Variants in EFEMP1 observed in about 807,000 individuals in gnomAD.
EFEMP1 encodes the protein EGF-containing fibulin-like extracellular matrix protein 1.
A neutral mutation model predicts 65.7 loss-of-function variants in EFEMP1; 18 were observed. The ratio of observed to expected loss-of-function variants is 0.27; its 90% CI spans 0.19 to 0.41. The LOEUF is 0.41. Ranked by LOEUF, EFEMP1 falls within the 10% of genes least tolerant of loss-of-function variation. The pLI is 1.00. For synonymous variants in EFEMP1, 237 were observed against 219.7 expected (o/e 1.08, Z -0.70); for missense variants, 469 against 624.8 (o/e 0.75, Z 2.66).
rs1462181845 is a variant in EFEMP1, at chr2:55,886,206, A to G, written c.518-4472T>C. Among the ~76,000 whole-genome samples, 2 of 152,126 alleles carry G rather than the reference A, an allele frequency of 1.3e-5. No homozygotes were observed. ...TGTGTGATCTAGGGTCATGGTATCA[A>G]TTTTTTCTCTTTGTTTCTCCATCTC... On this transcript the variant is annotated intron_variant, in intron 5 of 11. Transcript: ENST00000355426. The surrounding 1 kb of genome is among the most constrained non-coding windows in gnomAD (Gnocchi z 4.0).
At chr2:55,896,950 C>T (rs1241922371) in intron 5 of EFEMP1, among the ~76,000 whole-genome samples, 2 of 152,352 alleles carry the variant, frequency 1.3e-5, no homozygotes, top group East Asian at 1.9e-4. Flanking sequence ...TGCAGAACAA[C>T]TTGCTCTTCC....
chr2:55,889,686 C>T (rs978162833), intron 5 of EFEMP1, among the ~76,000 whole-genome samples: 28 of 151,894 alleles, frequency 1.8e-4, no homozygotes, highest in African/African-American at 6.3e-4. Context: ...TATAGTTTGG[C>T]AGGAAGAGGA....
At position 55,877,911 on chromosome 2, in the gene EFEMP1, A is replaced by T; in HGVS notation, c.641-46T>A. The T allele has an allele frequency of 6.2e-7, 1 of 1,608,306 alleles. No homozygotes were observed. The highest frequency in any genetic ancestry group is 8.5e-7 in the Non-Finnish European group (1 of 1,175,726). ...ACAAAGAGAACCAAATTATTGAATT[A>T]GCATTCTCTGAAAAGCATTATCTAG... On this transcript the variant is annotated intron_variant, in intron 6 of 11. Coordinates refer to ENST00000355426, the MANE Select transcript of EFEMP1 (RefSeq NM_001039348.3). This position sits in a 1 kb window ranked among gnomAD's most constrained non-coding sequence, Gnocchi z 4.5.
In EFEMP1 at chr2:55,919,095, C is replaced by A. The variant is rs1004677709; in HGVS notation, c.82-828G>T. On this transcript the variant is annotated intron_variant, in intron 3 of 11. Coordinates refer to ENST00000355426, the MANE Select transcript of EFEMP1 (RefSeq NM_001039348.3). The surrounding 1 kb of genome is among the most constrained non-coding windows in gnomAD (Gnocchi z 4.5). ...GGAGGTGACAGTAAATCAGGCTTTA[C>A]AGGATGAGCAGGATTTTTCCAGGTG... Among the ~76,000 whole-genome samples, 1 of 152,094 alleles carries A rather than the reference C, an allele frequency of 6.6e-6. No individual in the cohort carries two copies. Among genetic ancestry groups the A allele is most frequent in the Non-Finnish European group, 1.5e-5 (1 of 68,024 alleles).
rs1206272552 is a variant in EFEMP1 at position 55,875,068 on chromosome 2, G to A, written c.881-3C>T. ...TGAGGTTCTGCATTCATCAATGTCTGTTGAATTAGACAAGAGAAAGGACAC... is the reference window on the plus strand; with the variant it reads ...TGAGGTTCTGCATTCATCAATGTCTATTGAATTAGACAAGAGAAAGGACAC... On this transcript the variant is annotated splice_polypyrimidine_tract_variant and splice_region_variant and intron_variant, in intron 8 of 11. Transcript: ENST00000355426. 2 of 1,593,298 alleles carry A rather than the reference G, an allele frequency of 1.3e-6. No homozygotes were observed. Among genetic ancestry groups the A allele is most frequent in the African/African-American group, 2.7e-5 (2 of 73,862 alleles).
In EFEMP1 at chr2:55,905,271, ATCT is replaced by A. The variant is rs769669518; in HGVS notation, c.517+12391_517+12393del. Among the ~76,000 whole-genome samples the A allele has an allele frequency of 2.7e-4, 41 of 152,266 alleles. No homozygotes were observed. In the Middle Eastern group the frequency reaches 0.014, roughly 51 times the overall value. ...TTCACATTTTTAAATAATTAGTGTA[ATCT>A]TCTTTATTAAGGTCTTCCTGATTTT... On this transcript the variant is annotated intron_variant, in intron 5 of 11. Transcript: ENST00000355426.
At position 55,875,373 on chromosome 2, in the gene EFEMP1, T is replaced by G. The variant is rs1448245433; in HGVS notation, c.881-308A>C. Reference sequence around the variant, plus strand: ...ACACACACACACACACACATATATATTTTTTTTGTTCTGCTCAACAGTCCA... The same window carrying G: ...ACACACACACACACACACATATATAGTTTTTTTGTTCTGCTCAACAGTCCA... On this transcript the variant is annotated intron_variant, in intron 8 of 11. Coordinates refer to ENST00000355426, the MANE Select transcript of EFEMP1 (RefSeq NM_001039348.3). Among the ~76,000 whole-genome samples the G allele has an allele frequency of 4.1e-5, 4 of 98,552 alleles. No individual in the cohort carries two copies. In the East Asian group the frequency reaches 9.6e-4, roughly 24 times the overall value. 64.7% of individuals were successfully genotyped at this position (98,552 alleles called of 152,430 possible). A position where few individuals can be genotyped will look rare whatever the true frequency, so the allele number is the denominator to read the frequency against.
In EFEMP1 at chr2:55,883,751, T is replaced by C. The variant is rs1417486107; in HGVS notation, c.518-2017A>G. Among the ~76,000 whole-genome samples the C allele has an allele frequency of 3.9e-5, 6 of 152,164 alleles. No individual in the cohort carries two copies. The highest frequency in any genetic ancestry group is 8.8e-5 in the Non-Finnish European group (6 of 68,030). ...TGCTCATTTCTTAGTGTCTGATAAATAGGCTAACATTTCCAGTGGAATTAA... is the reference window on the plus strand; with the variant it reads ...TGCTCATTTCTTAGTGTCTGATAAACAGGCTAACATTTCCAGTGGAATTAA... On this transcript the variant is annotated intron_variant, in intron 5 of 11. Transcript: ENST00000355426. The surrounding 1 kb of genome is among the most constrained non-coding windows in gnomAD (Gnocchi z 4.5).
intron 9 of EFEMP1, 152 bp downstream of exon 9, chr2:55,874,794 T>G (rs1408111216): frequency 1.4e-6 from 1 of 700,622 alleles, no homozygotes; most frequent in Non-Finnish European, 2.2e-6. Context: ...TTATGAGATG[T>G]ATATATTTTA....
chr2:55,882,560 G>A (rs1481261521), intron 5 of EFEMP1, among the ~76,000 whole-genome samples: 2 of 152,102 alleles, frequency 1.3e-5, no homozygotes, highest in Non-Finnish European at 2.9e-5. Flanking sequence ...AAATTTGTGT[G>A]TGTACATTCA....
At chr2:55,874,082 C>G (rs1437082265) in intron 9 of EFEMP1, among the ~76,000 whole-genome samples, 1 of 152,068 alleles carries the variant, frequency 6.6e-6, no homozygotes, top group Non-Finnish European at 1.5e-5. Flanking sequence ...AATGAGGAAG[C>G]TGAGGCTCAG....
In EFEMP1 at chr2:55,867,098, A is replaced by G; in HGVS notation, c.1457T>C (p.Ile486Thr). The G allele has an allele frequency of 6.2e-7, 1 of 1,613,162 alleles. No individual in the cohort carries two copies. The highest frequency in any genetic ancestry group is 8.5e-7 in the Non-Finnish European group (1 of 1,179,886). ...CTAAAATGAAAATGGCCCCACTATTATTGTCAATCTTAACACAGAGCTTGT... is the reference window on the plus strand; with the variant it reads ...CTAAAATGAAAATGGCCCCACTATTGTTGTCAATCTTAACACAGAGCTTGT... ...FRTSSVLRLT[I>T]IVGPFSF is the part of the protein sequence containing the mutation. The change falls in exon 12 of 12, where the codon ATA (isoleucine) becomes ACA (threonine). Residue 486 changes from isoleucine (I) to threonine (T), a missense_variant. Physicochemically the swap from Ile to Thr is moderately conservative, Grantham distance 89. Coordinates refer to ENST00000355426, the MANE Select transcript of EFEMP1 (RefSeq NM_001039348.3). The surrounding 1 kb of genome is among the most constrained non-coding windows in gnomAD (Gnocchi z 4.3).
rs776032285 is a variant in EFEMP1, at chr2:55,918,055, T to C, written c.131-4A>G. On this transcript the variant is annotated splice_polypyrimidine_tract_variant and splice_region_variant and intron_variant, in intron 4 of 11. Coordinates refer to ENST00000355426, the MANE Select transcript of EFEMP1 (RefSeq NM_001039348.3). ...ACAATGTCACATTCATCAATATCTG[T>C]GGTCAGTAATAAAATAAGTCAGGAA... 3.7e-6 allele frequency: 6 copies of C among 1,614,196 alleles called. No homozygotes were observed. The East Asian group carries it at 8.9e-5, about 24-fold the overall frequency.
rs1323261059 is a variant in EFEMP1, at chr2:55,867,730, T to C, written c.1321-496A>G. Among the ~76,000 whole-genome samples, 1 of 152,034 alleles carries C rather than the reference T, an allele frequency of 6.6e-6. No homozygotes were observed. Among genetic ancestry groups the C allele is most frequent in the Non-Finnish European group, 1.5e-5 (1 of 67,996 alleles). ...GTACGTATGAAGATACATAAAGGTGTATGTATAAAGGGAAGAAAAGGAAGA... is the reference window on the plus strand; with the variant it reads ...GTACGTATGAAGATACATAAAGGTGCATGTATAAAGGGAAGAAAAGGAAGA... On this transcript the variant is annotated intron_variant, in intron 11 of 11. Transcript: ENST00000355426. This position sits in a 1 kb window ranked among gnomAD's most constrained non-coding sequence, Gnocchi z 4.3.
At chr2:55,910,495 C>T (rs1236300167) in intron 5 of EFEMP1, among the ~76,000 whole-genome samples, 1 of 152,166 alleles carries the variant, frequency 6.6e-6, no homozygotes, top group East Asian at 1.9e-4. Flanking sequence ...AGCAATTCAA[C>T]ACGTGCAAAG....
At chr2:55,889,424 G>A (rs1480186987) in intron 5 of EFEMP1, among the ~76,000 whole-genome samples, 3 of 152,106 alleles carry the variant, frequency 2.0e-5, no homozygotes, top group African/African-American at 4.8e-5. Context: ...ACTTTCTTGT[G>A]TGTATTTTCC....
In EFEMP1 at chr2:55,917,079, A is replaced by C. The variant is rs867311440; in HGVS notation, c.517+586T>G. The stretch of plus-strand genomic sequence containing the variant: ...TGAGAAGCAGGAGCCCCATTTCTTT[A>C]CTCCTGAATGAGGAAAATAAGTCTG... On this transcript the variant is annotated intron_variant, in intron 5 of 11. Transcript: ENST00000355426. The surrounding 1 kb of genome is among the most constrained non-coding windows in gnomAD (Gnocchi z 6.3). 1.3e-5 allele frequency among the ~76,000 whole-genome samples: 2 copies of C among 152,298 alleles called. No homozygotes were observed. Among genetic ancestry groups the C allele is most frequent in the Middle Eastern group, 3.4e-3 (1 of 292 alleles).
intron 8 of EFEMP1, among the ~76,000 whole-genome samples, chr2:55,875,981 C>T (rs140975838): frequency 1.3e-4 from 20 of 151,872 alleles, no homozygotes; most frequent in Non-Finnish European, 2.9e-4. Context: ...TCAGGGACAT[C>T]AAGTGTCTGT....
At chr2:55,897,931 CA>C (rs1262429300) in intron 5 of EFEMP1, among the ~76,000 whole-genome samples, 2 of 152,080 alleles carry the variant, frequency 1.3e-5, no homozygotes, top group Non-Finnish European at 2.9e-5. Flanking sequence ...TCCAATATTG[CA>C]AAAACCTTGT....
Sources: gnomAD v4.1 joint callset for allele counts (sites outside exome capture counted in the v4.1 genomes callset) on GRCh38, gnomAD v4.1.1 for gene constraint, Gnocchi (gnomAD v3.1) non-coding constraint, MANE v1.5 for transcripts, NCBI Gene and HGNC (gene_info 2026-07-23, HGNC 2026-07-21) for gene names.